GYS2: variants seen among roughly 807,000 people sequenced by gnomAD.
GYS2 encodes the protein glycogen synthase 2, also known as glycogen [starch] synthase, liver.
GYS2 carries 80 observed loss-of-function variants against 85.6 expected under a neutral mutation model. That is an observed-to-expected ratio of 0.93 (90% CI 0.78 to 1.13). The LOEUF (loss-of-function observed/expected upper bound fraction) is 1.13. Ranked by LOEUF, GYS2 falls within the 50% of genes most tolerant of loss-of-function variation. GYS2 has a pLI of 0.00. For missense variants in GYS2, 881 were observed against 854.9 expected (o/e 1.03, Z -0.38); for synonymous variants, 328 against 300.7 (o/e 1.09, Z -0.94).
chr12:21,536,872 T>G lies in GYS2; in HGVS notation c.*82A>C. Reference sequence around the variant, plus strand: ...CATTGTAATACTTAGAAGGAGAAAATGAAATTTGTGGCATTTTTATTTTAA... The same window carrying G: ...CATTGTAATACTTAGAAGGAGAAAAGGAAATTTGTGGCATTTTTATTTTAA... On this transcript the variant is annotated 3_prime_UTR_variant, in exon 16 of 16. Coordinates refer to ENST00000261195, the MANE Select transcript of GYS2 (RefSeq NM_021957.4). The G allele has an allele frequency of 5.2e-6, 5 of 955,398 alleles. No individual in the cohort carries two copies. The highest frequency in any genetic ancestry group is 8.4e-6 in the Non-Finnish European group (5 of 596,380). 59.2% of individuals were successfully genotyped at this position (955,398 alleles called of 1,614,324 possible). A position where few individuals can be genotyped will look rare whatever the true frequency, so the allele number is the denominator to read the frequency against.
chr12:21,576,619 C>T (rs145311616), intron 2 of GYS2, among the ~76,000 whole-genome samples: 1 of 152,218 alleles, frequency 6.6e-6, no homozygotes, highest in Non-Finnish European at 1.5e-5. Context: ...ACACATTGCC[C>T]TAGATACATT....
intron 1 of GYS2, among the ~76,000 whole-genome samples, chr12:21,592,140 T>TAAGA (rs57387746): frequency 0.26 from 22,398 of 87,040 alleles, 1,839 homozygotes; most frequent in Middle Eastern, 0.4. Context: ...TCATAAATAA[T>TAAGA]AAGAAAGAAA....
intron 10 of GYS2, 135 bp from the exon 11 acceptor site, chr12:21,558,448 T>C (rs1236442791): frequency 1.2e-5 from 8 of 676,620 alleles, no homozygotes; most frequent in Non-Finnish European, 1.9e-5. Flanking sequence ...TGATGATGAC[T>C]AAGTCTTGTG....
intron 11 of GYS2, among the ~76,000 whole-genome samples, chr12:21,548,770 C>A (rs555705769): frequency 2.4e-4 from 36 of 152,202 alleles, no homozygotes; most frequent in African/African-American, 6.7e-4. Context: ...TCCATATTGT[C>A]AATTCTATAT....
chr12:21,539,735 C>T (rs968548546), intron 14 of GYS2, among the ~76,000 whole-genome samples: 2 of 152,104 alleles, frequency 1.3e-5, no homozygotes, highest in African/African-American at 4.8e-5. Flanking sequence ...CTTCTAAAAG[C>T]CTAGTGTATC....
At chr12:21,597,891 A>G (rs1354427171) in intron 1 of GYS2, among the ~76,000 whole-genome samples, 1 of 152,174 alleles carries the variant, frequency 6.6e-6, no homozygotes, top group African/African-American at 2.4e-5. Flanking sequence ...TTTCATTTGC[A>G]GCAACATGGA....
chr12:21,597,571 G>A (rs1366013765), intron 1 of GYS2, among the ~76,000 whole-genome samples: 1 of 152,066 alleles, frequency 6.6e-6, no homozygotes, highest in African/African-American at 2.4e-5. Context: ...AGGATGTGAA[G>A]GAAAAGGCAC....
intron 7 of GYS2, among the ~76,000 whole-genome samples, chr12:21,560,835 T>G (rs1944244557): frequency 6.6e-6 from 1 of 152,188 alleles, no homozygotes. Flanking sequence ...TGTGCTTTTC[T>G]GTGGTTAAAA....
At position 21,546,348 on chromosome 12, in the gene GYS2, A is replaced by G. The variant is rs747031544; in HGVS notation, c.1545T>C (p.Thr515=). 6.3e-7 allele frequency: 1 copy of G among 1,599,544 alleles called. No homozygotes were observed. Among genetic ancestry groups the G allele is most frequent in the Non-Finnish European group, 8.6e-7 (1 of 1,167,338 alleles). The change falls in exon 12 of 16, where the codon ACT becomes ACC. Residue 515 remains threonine, a synonymous_variant. Coordinates refer to ENST00000261195, the MANE Select transcript of GYS2 (RefSeq NM_021957.4). ...CACTCTATACATGACACATACCTGG[A>G]GTATAACCCCAGGGTTCATAGTATG... ...FPSYYEPWGY[T]PAECTVMGIP...
chr12:21,551,923 C>T (rs769560063), intron 11 of GYS2, among the ~76,000 whole-genome samples: 49 of 152,130 alleles, frequency 3.2e-4, no homozygotes, highest in Non-Finnish European at 6.2e-4. Flanking sequence ...GTTGCCCTCT[C>T]CAAAGCCCAT....
intron 11 of GYS2, among the ~76,000 whole-genome samples, chr12:21,557,455 A>G (rs941150303): frequency 9.2e-5 from 14 of 152,204 alleles, no homozygotes; most frequent in Non-Finnish European, 1.8e-4. Flanking sequence ...AATTTTATAA[A>G]AACATTATCA....
At chr12:21,537,771 T>C (rs185619925) in intron 15 of GYS2, among the ~76,000 whole-genome samples, 4 of 152,342 alleles carry the variant, frequency 2.6e-5, no homozygotes, top group Non-Finnish European at 5.9e-5. Flanking sequence ...CACTAGACTT[T>C]AATTAATTTG....
intron 1 of GYS2, among the ~76,000 whole-genome samples, chr12:21,589,273 G>T (rs1431424401): frequency 2.6e-5 from 4 of 152,178 alleles, no homozygotes; most frequent in Admixed American, 2.0e-4. Context: ...AGAAACAAAT[G>T]ATTTGATTTG....
chr12:21,567,181 C>T lies in GYS2; in HGVS notation c.823+1684G>A, dbSNP rs2136890379. On this transcript the variant is annotated intron_variant, in intron 5 of 15. Coordinates refer to ENST00000261195, the MANE Select transcript of GYS2 (RefSeq NM_021957.4). ...AGGTCGGAAGCCAGAGTCCCAGGGGCTAATGAGTAAGTGAACCTAGCAATT... is the reference window on the plus strand; with the variant it reads ...AGGTCGGAAGCCAGAGTCCCAGGGGTTAATGAGTAAGTGAACCTAGCAATT... Among the ~76,000 whole-genome samples the T allele has an allele frequency of 2.6e-5, 4 of 152,198 alleles. No individual in the cohort carries two copies. In the South Asian group the frequency reaches 8.3e-4, roughly 32 times the overall value.
chr12:21,538,461 A>G (rs1002822365), intron 15 of GYS2, among the ~76,000 whole-genome samples: 4 of 152,212 alleles, frequency 2.6e-5, no homozygotes, highest in African/African-American at 9.6e-5. Context: ...AAGATGACTC[A>G]TAATTGGGCA....
chr12:21,533,909 A>G (rs1157140576), downstream of GYS2, among the ~76,000 whole-genome samples: 1 of 152,176 alleles, frequency 6.6e-6, no homozygotes, highest in African/African-American at 2.4e-5. Context: ...CCCATTTCTC[A>G]TAGATGGCGC....
At chr12:21,562,365 A>G (rs1944264101) in intron 7 of GYS2, among the ~76,000 whole-genome samples, 3 of 152,040 alleles carry the variant, frequency 2.0e-5, no homozygotes, top group Admixed American at 2.0e-4. Flanking sequence ...GCTGCCAGCT[A>G]TGTGGCACGT....
chr12:21,558,233 A>T lies in GYS2; in HGVS notation c.1389T>A (p.Ile463=). The T allele has an allele frequency of 6.2e-7, 1 of 1,613,602 alleles. No homozygotes were observed. The highest frequency in any genetic ancestry group is 8.5e-7 in the Non-Finnish European group (1 of 1,179,506). Residue 463 remains isoleucine (I), a synonymous_variant, in exon 11 of 16, where the codon ATT becomes ATA. Coordinates refer to ENST00000261195, the MANE Select transcript of GYS2 (RefSeq NM_021957.4). Reference sequence around the variant, plus strand: ...TATCTGTGCGGTTGTTGAAAAGTCCAATCCGTCTAATGGTGCTGAGGATGG... The same window carrying T: ...TATCTGTGCGGTTGTTGAAAAGTCCTATCCGTCTAATGGTGCTGAGGATGG... ...TDPILSTIRR[I]GLFNNRTDRV... is the part of the protein sequence containing the mutation.
At chr12:21,545,309 G>A (rs967700618) in intron 12 of GYS2, among the ~76,000 whole-genome samples, 3 of 152,130 alleles carry the variant, frequency 2.0e-5, no homozygotes, top group African/African-American at 7.2e-5. Context: ...AGGCGTGGTG[G>A]TGTGTGCCTG....
Sources: gnomAD v4.1 joint callset for allele counts (sites outside exome capture counted in the v4.1 genomes callset) on GRCh38, gnomAD v4.1.1 for gene constraint, MANE v1.5 for transcripts, NCBI Gene and HGNC (gene_info 2026-07-23, HGNC 2026-07-21) for gene names.